The following BMERB1 variants were observed in gnomAD, a reference collection of about 807,000 sequenced individuals.
The protein encoded by BMERB1 is bMERB domain containing 1.
A neutral mutation model predicts 23.6 loss-of-function variants in BMERB1; 12 were observed. That is an observed-to-expected ratio of 0.51 (90% CI 0.33 to 0.82). BMERB1 has a LOEUF of 0.82. Ranked by LOEUF, BMERB1 falls within the 40% of genes least tolerant of loss-of-function variation. The probability of loss-of-function intolerance (pLI) is 0.03; values close to 1 mark genes in which losing one functional copy is unlikely to be tolerated. For synonymous variants in BMERB1, 122 were observed against 96.6 expected (o/e 1.26, Z -1.54); for missense variants, 247 against 255.4 (o/e 0.97, Z 0.22).
intron 1 of BMERB1, among the ~76,000 whole-genome samples, chr16:15,472,631 AT>A (rs1185718405): frequency 6.6e-6 from 1 of 152,080 alleles, no homozygotes; most frequent in African/African-American, 2.4e-5. Context: ...CTATATCATT[AT>A]ATTTGAAGTG....
At chr16:15,548,589 G>A (rs2029992395) in intron 2 of BMERB1, among the ~76,000 whole-genome samples, 1 of 152,090 alleles carries the variant, frequency 6.6e-6, no homozygotes, top group African/African-American at 2.4e-5. Context: ...TCCCTCCCCT[G>A]CTTCCAGCCA....
chr16:15,473,287 C>CT (rs549143781), intron 1 of BMERB1, among the ~76,000 whole-genome samples: 2,907 of 137,506 alleles, frequency 0.021, 45 homozygotes, highest in South Asian at 0.036. Context: ...TTCCTTTAGC[C>CT]TTTTTTTTTT....
intron 1 of BMERB1, among the ~76,000 whole-genome samples, chr16:15,445,203 T>G (rs1219065018): frequency 6.6e-6 from 1 of 152,172 alleles, no homozygotes; most frequent in African/African-American, 2.4e-5. Flanking sequence ...ATTTCACCTC[T>G]TAAGCTTTGG....
At chr16:15,583,267 C>T (rs759660831) in intron 5 of BMERB1, 29 bp downstream of exon 5, 1 of 1,521,178 alleles carries the variant, frequency 6.6e-7, no homozygotes, top group African/African-American at 1.4e-5. Context: ...CATTCCCCTC[C>T]CCCACAAAAG....
intron 1 of BMERB1, among the ~76,000 whole-genome samples, chr16:15,442,740 A>G (rs2050950881): frequency 6.6e-6 from 1 of 152,176 alleles, no homozygotes; most frequent in African/African-American, 2.4e-5. Flanking sequence ...CCGAGGTTTC[A>G]GGGGGTTAAG....
At chr16:15,558,188 C>T (rs2030319704) in intron 2 of BMERB1, among the ~76,000 whole-genome samples, 1 of 152,044 alleles carries the variant, frequency 6.6e-6, no homozygotes, top group African/African-American at 2.4e-5. Context: ...CCCCTTCTGC[C>T]CATGGGTAGT....
At chr16:15,514,819 G>A (rs2051725175) in intron 1 of BMERB1, among the ~76,000 whole-genome samples, 1 of 152,042 alleles carries the variant, frequency 6.6e-6, no homozygotes, top group Non-Finnish European at 1.5e-5. Flanking sequence ...AGTGGCTCAC[G>A]CCTGTAATCC....
rs148625623 is a variant in BMERB1 at position 15,438,413 on chromosome 16, C to G, written c.106+3654C>G. Among the ~76,000 whole-genome samples the G allele has an allele frequency of 3.5e-3, 523 of 151,398 alleles. 2 individuals are homozygous for G. The highest frequency in any genetic ancestry group is 0.012 in the African/African-American group (486 of 41,282). On this transcript the variant is annotated intron_variant, in intron 1 of 5. Coordinates refer to ENST00000300006, the MANE Select transcript of BMERB1 (RefSeq NM_033201.3). ...AAGCTGAAATTCTTAAAACGTGGAT[C>G]CAGAGTCTAACTTTTGAAACTTGAA...
At chr16:15,504,625 T>A (rs2051565162) in intron 1 of BMERB1, among the ~76,000 whole-genome samples, 2 of 151,946 alleles carry the variant, frequency 1.3e-5, no homozygotes, top group Non-Finnish European at 2.9e-5. Flanking sequence ...ATGTTTACAT[T>A]TTATTTTTGT....
intron 1 of BMERB1, among the ~76,000 whole-genome samples, chr16:15,439,416 A>G (rs1437233807): frequency 2.6e-5 from 4 of 152,224 alleles, no homozygotes; most frequent in Non-Finnish European, 5.9e-5. Flanking sequence ...CGCTCAATCA[A>G]GGTTGAATGG....
At chr16:15,559,586 GAA>G (rs761417771) in intron 2 of BMERB1, among the ~76,000 whole-genome samples, 33 of 152,318 alleles carry the variant, frequency 2.2e-4, no homozygotes, top group Middle Eastern at 3.4e-3. Context: ...TTTATGCACA[GAA>G]AGTGCATTTA....
intron 2 of BMERB1, among the ~76,000 whole-genome samples, chr16:15,536,324 T>A (rs2052024604): frequency 6.6e-6 from 1 of 152,050 alleles, no homozygotes; most frequent in Non-Finnish European, 1.5e-5. Context: ...TCTGGATGCT[T>A]GGCAGACGAG....
intron 2 of BMERB1, among the ~76,000 whole-genome samples, chr16:15,536,128 G>A (rs983197521): frequency 2.6e-5 from 4 of 152,128 alleles, no homozygotes; most frequent in South Asian, 2.1e-4. Context: ...AGGATGGTGC[G>A]GGAGATTTGG....
intron 2 of BMERB1, among the ~76,000 whole-genome samples, chr16:15,534,737 C>G (rs2150960760): frequency 6.6e-6 from 1 of 152,202 alleles, no homozygotes; most frequent in African/African-American, 2.4e-5. Context: ...AGTTTCATCA[C>G]CTCTTTTTCT....
At chr16:15,559,931 T>TA (rs895472812) in intron 2 of BMERB1, among the ~76,000 whole-genome samples, 33 of 150,036 alleles carry the variant, frequency 2.2e-4, no homozygotes, top group East Asian at 1.6e-3. Context: ...CTGATGAGCT[T>TA]AAAAAAAAAA....
intron 2 of BMERB1, among the ~76,000 whole-genome samples, chr16:15,531,059 C>T (rs2051962624): frequency 6.6e-6 from 1 of 152,068 alleles, no homozygotes; most frequent in South Asian, 2.1e-4. Flanking sequence ...CACCCGCTGC[C>T]ATGCCCAGCT....
chr16:15,484,135 C>T (rs1193224903), intron 1 of BMERB1, among the ~76,000 whole-genome samples: 3 of 152,194 alleles, frequency 2.0e-5, no homozygotes, highest in Non-Finnish European at 4.4e-5. Context: ...ATCCTGCAAA[C>T]ATGGCATGAA....
intron 2 of BMERB1, among the ~76,000 whole-genome samples, chr16:15,566,391 A>G (rs1308405086): frequency 1.3e-5 from 2 of 152,214 alleles, no homozygotes; most frequent in African/African-American, 4.8e-5. Context: ...TGTTCATGCC[A>G]CTAGACCCAG....
intron 2 of BMERB1, among the ~76,000 whole-genome samples, chr16:15,552,929 T>A (rs2030137384): frequency 6.6e-6 from 1 of 152,194 alleles, no homozygotes; most frequent in African/African-American, 2.4e-5. Flanking sequence ...ATCTCAGTAC[T>A]TTGGGAGGCC....
Sources: gnomAD v4.1 joint callset for allele counts (sites outside exome capture counted in the v4.1 genomes callset) on GRCh38, gnomAD v4.1.1 for gene constraint, MANE v1.5 for transcripts, NCBI Gene and HGNC (gene_info 2026-07-23, HGNC 2026-07-21) for gene names.